The following MTARC2 variants were observed in gnomAD, a reference collection of about 807,000 sequenced individuals.
MTARC2 encodes the protein MOCO sulphurase C-terminal domain containing 2.
MTARC2 carries 27 observed loss-of-function variants against 35.6 expected under a neutral mutation model. The ratio of observed to expected loss-of-function variants is 0.76; its 90% confidence interval spans 0.56 to 1.04. The LOEUF (loss-of-function observed/expected upper bound fraction) is 1.04. Among genes scored for constraint, MTARC2 ranks in the 50% least tolerant of loss-of-function variants. The pLI, the probability that MTARC2 is intolerant of heterozygous loss-of-function variation, is 0.00. For missense variants in MTARC2, 412 were observed against 432.5 expected (o/e 0.95, Z 0.42); for synonymous variants, 158 against 167.1 (o/e 0.95, Z 0.42).
rs567681735 is a variant in MTARC2, at chr1:220,770,100, C to CT, written c.750+7051dup. On this transcript the variant is annotated intron_variant, in intron 4 of 7. Transcript: ENST00000366913. Reference sequence around the variant, plus strand: ...CCAGCCTGGGCGACAGAGCAAGACTCTGTCTCAAAAAAACAAAAACAAAAC... The same window carrying CT: ...CCAGCCTGGGCGACAGAGCAAGACTCTTGTCTCAAAAAAACAAAAACAAAAC... 1.3e-3 allele frequency among the ~76,000 whole-genome samples: 201 copies of CT among 151,992 alleles called. 3 individuals are homozygous for CT. The highest frequency in any genetic ancestry group is 0.011 in the South Asian group (54 of 4,792).
chr1:220,777,175 T>G (rs1422066009), intron 4 of MTARC2, among the ~76,000 whole-genome samples: 1 of 152,244 alleles, frequency 6.6e-6, no homozygotes, highest in East Asian at 1.9e-4. Context: ...TGGCGTTTAT[T>G]TCCACAAAGC....
At chr1:220,748,864 C>T in intron 1 of MTARC2, 61 bp downstream of exon 1, 1 of 1,468,608 alleles carries the variant, frequency 6.8e-7, no homozygotes, top group Non-Finnish European at 9.0e-7. Context: ...AGCGGGGGGG[C>T]AGGTGGGGCC....
Position 220,781,878 on chromosome 1 carries a change from G to A in MTARC2, c.985G>A (p.Asp329Asn). The A allele has an allele frequency of 1.9e-6, 3 of 1,614,188 alleles. No individual in the cohort carries two copies. The highest frequency in any genetic ancestry group is 2.5e-6 in the Non-Finnish European group (3 of 1,180,016). The change falls in exon 7 of 8, where the codon GAC (aspartate) becomes AAC (asparagine). Residue 329 changes from aspartate to asparagine, a missense_variant. Asp to Asn is a conservative substitution (Grantham distance 23). Transcript: ENST00000366913. ...VEKIGSLRVG[D>N]PVYRMV ...AAAAATTGGAAGCCTGAGAGTTGGT[G>A]ACCCTGTGTATCGGATGGTGTAGTG...
intron 3 of MTARC2, among the ~76,000 whole-genome samples, chr1:220,762,535 A>T (rs1007984546): frequency 1.3e-5 from 2 of 152,184 alleles, no homozygotes; most frequent in East Asian, 3.8e-4. Flanking sequence ...TGCTCAGTAA[A>T]TGCCTAGTGA....
chr1:220,767,187 A>T lies in MTARC2; in HGVS notation c.750+4137A>T, dbSNP rs552483666. On this transcript the variant is annotated intron_variant, in intron 4 of 7. Transcript: ENST00000366913. ...TTATTAAATGACGCTAATGTTGCTG[A>T]TTTATTCTTCCTTAAATTAGGAAGC... Among the ~76,000 whole-genome samples, 34 of 152,254 alleles carry T rather than the reference A, an allele frequency of 2.2e-4. No individual in the cohort carries two copies. In the South Asian group the frequency reaches 6.8e-3, roughly 31 times the overall value.
chr1:220,762,871 T>C (rs774122543), intron 3 of MTARC2, 39 bp from the exon 4 acceptor site: 1 of 1,611,258 alleles, frequency 6.2e-7, no homozygotes, highest in Non-Finnish European at 8.5e-7. Context: ...GGCCATTTTG[T>C]GGAGTGGTGG....
chr1:220,777,994 G>A (rs113093729), intron 4 of MTARC2, among the ~76,000 whole-genome samples: 1,630 of 152,276 alleles, frequency 0.011, 35 homozygotes, highest in African/African-American at 0.036. Context: ...TGAAATCCCA[G>A]CAGTTTGGGA....
At chr1:220,782,992 A>G (rs1572323975) in intron 7 of MTARC2, among the ~76,000 whole-genome samples, 1 of 152,230 alleles carries the variant, frequency 6.6e-6, no homozygotes, top group East Asian at 1.9e-4. Flanking sequence ...ATCATGATCC[A>G]GTCTTAGGTT....
chr1:220,752,078 G>A (rs1671138640), intron 1 of MTARC2, among the ~76,000 whole-genome samples: 1 of 152,126 alleles, frequency 6.6e-6, no homozygotes, highest in African/African-American at 2.4e-5. Flanking sequence ...TGATGAGTGG[G>A]AAACCTCTAG....
intron 4 of MTARC2, among the ~76,000 whole-genome samples, chr1:220,766,861 A>C (rs1040128515): frequency 3.2e-5 from 2 of 62,212 alleles, no homozygotes; most frequent in Admixed American, 2.1e-4. Context: ...ATAAAAGTAC[A>C]AAAAAAAAAA....
intron 4 of MTARC2, among the ~76,000 whole-genome samples, chr1:220,777,632 T>C (rs1468847621): frequency 6.6e-6 from 1 of 152,208 alleles, no homozygotes; most frequent in Non-Finnish European, 1.5e-5. Flanking sequence ...CGTACCCCAA[T>C]GCCTCCTACC....
intron 4 of MTARC2, among the ~76,000 whole-genome samples, chr1:220,774,945 G>GTGAGAGTGTGTGTGTC (rs1671854466): frequency 6.6e-6 from 1 of 151,480 alleles, no homozygotes; most frequent in African/African-American, 2.4e-5. Context: ...ATATAGACCC[G>GTGAGAGTGTGTGTGTC]TGTGTGTGCG....
intron 4 of MTARC2, chr1:220,770,305 T>G (rs1341473554): frequency 2.5e-6 from 2 of 794,252 alleles, no homozygotes; most frequent in East Asian, 1.3e-4. Context: ...CTTGTTGAAC[T>G]GAATTCGAGG....
intron 2 of MTARC2, among the ~76,000 whole-genome samples, chr1:220,759,380 G>C (rs138080996): frequency 2.0e-5 from 3 of 152,344 alleles, no homozygotes; most frequent in African/African-American, 7.2e-5. Flanking sequence ...ATGTAGAAGA[G>C]AGTGGACTTT....
rs769385542 is a variant in MTARC2, at chr1:220,779,982, C to G, written c.751-36C>G. 71 of 1,474,314 alleles carry G rather than the reference C, an allele frequency of 4.8e-5. 1 individual carries two copies. The highest frequency in any genetic ancestry group is 6.3e-6 in the Non-Finnish European group (7 of 1,103,426). 91.3% of individuals were successfully genotyped at this position (1,474,314 alleles called of 1,614,324 possible). A position where few individuals can be genotyped will look rare whatever the true frequency, so the allele number is the denominator to read the frequency against. The stretch of plus-strand genomic sequence containing the variant: ...TAAACAGACTCAAAGGCTAATGAAG[C>G]CACCATTTAAAAGATAACTTTCTCT... On this transcript the variant is annotated intron_variant, in intron 4 of 7. Coordinates refer to ENST00000366913, the MANE Select transcript of MTARC2 (RefSeq NM_017898.5).
chr1:220,749,012 C>T (rs578142296), intron 1 of MTARC2, among the ~76,000 whole-genome samples: 1 of 152,314 alleles, frequency 6.6e-6, no homozygotes, highest in African/African-American at 2.4e-5. Flanking sequence ...AATCCCTTGC[C>T]CTTCCCTAGA....
chr1:220,767,636 T>C (rs982778186), intron 4 of MTARC2, among the ~76,000 whole-genome samples: 1 of 152,230 alleles, frequency 6.6e-6, no homozygotes, highest in Non-Finnish European at 1.5e-5. Flanking sequence ...TTGCTCACTG[T>C]CCTGATGAGA....
intron 4 of MTARC2, among the ~76,000 whole-genome samples, chr1:220,767,423 AT>A (rs1671610305): frequency 6.6e-6 from 1 of 152,228 alleles, no homozygotes; most frequent in African/African-American, 2.4e-5. Context: ...ATTGTGTAAC[AT>A]TTACTGTCTG....
intron 4 of MTARC2, among the ~76,000 whole-genome samples, chr1:220,775,043 A>C (rs555411112): frequency 0.024 from 3,594 of 152,208 alleles, 108 homozygotes; most frequent in African/African-American, 0.064. Context: ...TTAGTAGTCA[A>C]CTTTTAAGTT....
Sources: gnomAD v4.1 joint callset for allele counts (sites outside exome capture counted in the v4.1 genomes callset) on GRCh38, gnomAD v4.1.1 for gene constraint, MANE v1.5 for transcripts, NCBI Gene and HGNC (gene_info 2026-07-23, HGNC 2026-07-21) for gene names.